Variants in UGT2B7 observed in about 807,000 individuals in gnomAD.
UGT2B7 encodes the protein UDP glucuronosyltransferase family 2 member B7.
Under a neutral mutation model 51.9 loss-of-function variants are expected in UGT2B7, and 51 were observed. That is an observed-to-expected ratio of 0.98 (90% CI 0.78 to 1.24). UGT2B7 has a LOEUF of 1.24. Among genes scored for constraint, UGT2B7 ranks in the 50% most tolerant of loss-of-function variants. The pLI, the probability that UGT2B7 is intolerant of heterozygous loss-of-function variation, is 0.00. For missense variants in UGT2B7, 727 were observed against 628.4 expected (o/e 1.16, Z -1.68); for synonymous variants, 225 against 211.6 (o/e 1.06, Z -0.55).
chr4:69,103,272 G>A lies in UGT2B7; in HGVS notation c.1002+334G>A, dbSNP rs1363963126. ...TACATAGAAAGAATATTAAAGAGTAGATTGAACTCTTCATAGCTGAATATA... is the reference window on the plus strand; with the variant it reads ...TACATAGAAAGAATATTAAAGAGTAAATTGAACTCTTCATAGCTGAATATA... On this transcript the variant is annotated intron_variant, in intron 3 of 5. Transcript: ENST00000305231. 3.3e-5 allele frequency among the ~76,000 whole-genome samples: 5 copies of A among 152,198 alleles called. No individual in the cohort carries two copies. In the East Asian group the frequency reaches 9.7e-4, roughly 29 times the overall value.
chr4:69,079,705 C>A (rs1338919242), intron 1 of UGT2B7, among the ~76,000 whole-genome samples: 1 of 152,010 alleles, frequency 6.6e-6, no homozygotes, highest in African/African-American at 2.4e-5. Context: ...TCATTGTAGT[C>A]ACGAAATCAT....
chr4:69,056,686 C>T (rs1401002202), intron 1 of UGT2B7, among the ~76,000 whole-genome samples: 4 of 151,950 alleles, frequency 2.6e-5, no homozygotes, highest in African/African-American at 9.7e-5. Flanking sequence ...TTGTTTCCTA[C>T]CTGTACTTCT....
At chr4:69,091,159 T>C (rs189857246) in intron 2 of UGT2B7, among the ~76,000 whole-genome samples, 4 of 152,190 alleles carry the variant, frequency 2.6e-5, no homozygotes, top group African/African-American at 9.7e-5. Context: ...GTAGAAGTAC[T>C]TGTGTTTTTT....
intron 1 of UGT2B7, among the ~76,000 whole-genome samples, chr4:69,057,402 A>C (rs1718231281): frequency 6.6e-6 from 1 of 152,198 alleles, no homozygotes; most frequent in Non-Finnish European, 1.5e-5. Context: ...CTTGTGGCAC[A>C]TACCTCCTTC....
upstream of UGT2B7, among the ~76,000 whole-genome samples, chr4:69,092,946 C>A (rs6819757): frequency 7.5e-5 from 11 of 147,122 alleles, no homozygotes; most frequent in South Asian, 4.3e-4. Context: ...ATGCCAAAAA[C>A]AATACCCCCA....
At chr4:69,100,076 T>C (rs989869582) in intron 2 of UGT2B7, among the ~76,000 whole-genome samples, 1 of 151,850 alleles carries the variant, frequency 6.6e-6, no homozygotes, top group Non-Finnish European at 1.5e-5. Context: ...ATTTAAATCA[T>C]TCTTCATTGA....
At chr4:69,081,382 T>C (rs2109873891) in intron 1 of UGT2B7, among the ~76,000 whole-genome samples, 1 of 152,280 alleles carries the variant, frequency 6.6e-6, no homozygotes, top group African/African-American at 2.4e-5. Context: ...ATTTACACTC[T>C]TCTGTTTACT....
chr4:69,107,314 T>C (rs746892573), intron 4 of UGT2B7, 52 bp downstream of exon 4: 42 of 1,514,660 alleles, frequency 2.8e-5, no homozygotes, highest in Admixed American at 8.3e-5. Flanking sequence ...CACATTAGAG[T>C]GTTAATAGTT....
At chr4:69,092,900 T>C (rs1719114865), upstream of UGT2B7, among the ~76,000 whole-genome samples, 1 of 150,506 alleles carries the variant, frequency 6.6e-6, no homozygotes, top group African/African-American at 2.5e-5. Flanking sequence ...TTCTTTAGAG[T>C]CAGTTAACCA....
At chr4:69,071,146 G>T (rs1378518466) in intron 1 of UGT2B7, among the ~76,000 whole-genome samples, 2 of 152,004 alleles carry the variant, frequency 1.3e-5, no homozygotes, top group Admixed American at 1.3e-4. Context: ...CCTCTAGTTA[G>T]GAATTATAGA....
chr4:69,068,601 A>G (rs1718532183), intron 1 of UGT2B7, among the ~76,000 whole-genome samples: 1 of 152,026 alleles, frequency 6.6e-6, no homozygotes, highest in South Asian at 2.1e-4. Context: ...ATTAGTTGAT[A>G]CATATTGAAT....
intron 1 of UGT2B7, among the ~76,000 whole-genome samples, chr4:69,064,095 A>G (rs1271334361): frequency 1.4e-5 from 1 of 72,422 alleles, no homozygotes; most frequent in Non-Finnish European, 2.5e-5. Flanking sequence ...AAAGAAAGAA[A>G]GAGAAAGAAA....
chr4:69,100,267 C>T (rs781710247), intron 2 of UGT2B7, among the ~76,000 whole-genome samples: 1 of 151,846 alleles, frequency 6.6e-6, no homozygotes, highest in Non-Finnish European at 1.5e-5. Context: ...ATAATTTATA[C>T]CACTTGTATC....
chr4:69,093,466 G>A (rs993228466), upstream of UGT2B7, among the ~76,000 whole-genome samples: 4 of 152,160 alleles, frequency 2.6e-5, no homozygotes, highest in Non-Finnish European at 4.4e-5. Flanking sequence ...AATGGGGCCC[G>A]CAGACTGTCA....
chr4:69,063,367 A>G lies in UGT2B7; in HGVS notation c.-159+11765A>G, dbSNP rs185042807. On this transcript the variant is annotated intron_variant, in intron 1 of 5. Transcript: ENST00000502942. ...AACACAGTAATTAAGACTTTATTAT[A>G]CCATACATACTATAGGTACCTGGGC... Among the ~76,000 whole-genome samples, 227 of 151,676 alleles carry G rather than the reference A, an allele frequency of 1.5e-3. 2 individuals are homozygous for G. Among genetic ancestry groups the G allele is most frequent in the Middle Eastern group, 0.01 (3 of 292 alleles).
intron 1 of UGT2B7, among the ~76,000 whole-genome samples, chr4:69,075,701 C>T (rs570110621): frequency 1.1e-4 from 17 of 152,208 alleles, no homozygotes; most frequent in South Asian, 2.1e-4. Context: ...TGTAATAAAA[C>T]GCTTGCTGTT....
At chr4:69,089,141 A>G (rs1209247491) in intron 1 of UGT2B7, among the ~76,000 whole-genome samples, 1 of 152,094 alleles carries the variant, frequency 6.6e-6, no homozygotes, top group Non-Finnish European at 1.5e-5. Context: ...CATTTTACTG[A>G]CATCACTCCT....
In UGT2B7 at chr4:69,098,588, T is replaced by G; in HGVS notation, c.770T>G (p.Leu257Arg). Residue 257 changes from leucine to arginine, a missense_variant, in exon 2 of 6, where the codon CTT becomes CGT. Coordinates refer to ENST00000305231, the MANE Select transcript of UGT2B7 (RefSeq NM_001074.4). ...ACAATGGGGAAAGCTGACGTATGGC[T>G]TATTCGAAACTCCTGGAATTTTCAG... ...SETMGKADVW[L>R]IRNSWNFQFP... 1 of 1,612,470 alleles carries G rather than the reference T, an allele frequency of 6.2e-7. No individual in the cohort carries two copies. Among genetic ancestry groups the G allele is most frequent in the Non-Finnish European group, 8.5e-7 (1 of 1,179,042 alleles).
intron 1 of UGT2B7, among the ~76,000 whole-genome samples, chr4:69,058,218 G>T (rs1718253911): frequency 6.6e-6 from 1 of 152,114 alleles, no homozygotes; most frequent in Admixed American, 6.5e-5. Flanking sequence ...CCACTGGAGG[G>T]AAGAGACCCT....
Sources: allele counts gnomAD v4.1 joint callset (sites outside exome capture counted in the v4.1 genomes callset), GRCh38; gene constraint gnomAD v4.1.1; transcripts MANE v1.5; gene names NCBI Gene and HGNC (gene_info 2026-07-23, HGNC 2026-07-21).